The following GRID2 variants were observed in gnomAD, a reference collection of about 807,000 sequenced individuals.
GRID2 encodes glutamate ionotropic receptor delta type subunit 2.
GRID2 carries 33 observed loss-of-function variants against 114.8 expected under a neutral mutation model. That is an observed-to-expected ratio of 0.29 (90% CI 0.22 to 0.38). GRID2 has a LOEUF of 0.38. GRID2 is among the 10% of genes least tolerant of loss of function. The pLI, the probability that GRID2 is intolerant of heterozygous loss-of-function variation, is 1.00. For missense variants in GRID2, 1,184 were observed against 1,257.7 expected (o/e 0.94, Z 0.89); for synonymous variants, 505 against 449.9 (o/e 1.12, Z -1.55).
rs537149856 is a variant in GRID2, at chr4:92,705,229, A to G, written c.244+114943A>G. 2.6e-5 allele frequency among the ~76,000 whole-genome samples: 4 copies of G among 152,280 alleles called. No individual in the cohort carries two copies. The South Asian group carries it at 8.3e-4, about 32-fold the overall frequency. ...TAAACCAAAAGAAAAAAATCCATCA[A>G]ATAATCTTGAAAAGAAGCAGCTAAT... On this transcript the variant is annotated intron_variant, in intron 2 of 15. Transcript: ENST00000282020.
intron 5 of GRID2, among the ~76,000 whole-genome samples, chr4:93,209,609 A>G (rs1278320659): frequency 5.3e-5 from 8 of 152,118 alleles, no homozygotes; most frequent in Non-Finnish European, 1.0e-4. Context: ...TTGGGTATAT[A>G]CCCAGTAATG....
chr4:93,405,850 A>G (rs1489511553), intron 9 of GRID2, among the ~76,000 whole-genome samples: 1 of 152,168 alleles, frequency 6.6e-6, no homozygotes, highest in African/African-American at 2.4e-5. Context: ...TCAGAAATGA[A>G]CATGAATATA....
At chr4:93,093,632 C>T (rs185341188) in intron 3 of GRID2, among the ~76,000 whole-genome samples, 1 of 152,010 alleles carries the variant, frequency 6.6e-6, no homozygotes, top group East Asian at 1.9e-4. Context: ...GTGCCTTTCC[C>T]TCTCCCACTG....
At chr4:92,711,135 T>G (rs1490142811) in intron 2 of GRID2, among the ~76,000 whole-genome samples, 1 of 152,170 alleles carries the variant, frequency 6.6e-6, no homozygotes, top group African/African-American at 2.4e-5. Flanking sequence ...TAAAAAATGC[T>G]ATTTGGGGTT....
intron 1 of GRID2, among the ~76,000 whole-genome samples, chr4:92,305,076 C>T (rs1451162014): frequency 2.0e-5 from 3 of 151,896 alleles, no homozygotes; most frequent in African/African-American, 4.8e-5. Context: ...TGACTCTTAT[C>T]TTCCATATTT....
intron 1 of GRID2, among the ~76,000 whole-genome samples, chr4:92,397,342 A>G (rs936066458): frequency 2.0e-3 from 292 of 142,772 alleles, no homozygotes; most frequent in African/African-American, 7.1e-3. Context: ...GTGTGTTTGT[A>G]TGTGTGTGTG....
intron 1 of GRID2, among the ~76,000 whole-genome samples, chr4:92,439,232 C>G (rs371134504): frequency 6.6e-6 from 1 of 152,058 alleles, no homozygotes; most frequent in African/African-American, 2.4e-5. Context: ...AATGTCATCA[C>G]TTAAGGCAAG....
chr4:93,162,846 A>G (rs945229561), intron 4 of GRID2, among the ~76,000 whole-genome samples: 1 of 151,970 alleles, frequency 6.6e-6, no homozygotes, highest in Non-Finnish European at 1.5e-5. Context: ...CCAAGAGGCA[A>G]TATGAGACAG....
intron 14 of GRID2, among the ~76,000 whole-genome samples, chr4:93,733,024 C>T (rs999058205): frequency 6.6e-6 from 1 of 152,018 alleles, no homozygotes; most frequent in Admixed American, 6.5e-5. Flanking sequence ...GCAGCATTAA[C>T]AACATATTTG....
chr4:92,477,105 A>G (rs1722358950), intron 1 of GRID2, among the ~76,000 whole-genome samples: 1 of 135,704 alleles, frequency 7.4e-6, no homozygotes, highest in South Asian at 2.4e-4. Context: ...GTGTTTGCTT[A>G]GTATTGTTAG....
In GRID2 at chr4:92,986,450, T is replaced by C. The variant is rs146754605; in HGVS notation, c.245-98545T>C. Reference sequence around the variant, plus strand: ...ATAGGGTTTAACCACAGAAATTCTTTCTATTTAAATGTTGGTCATGGTAGG... The same window carrying C: ...ATAGGGTTTAACCACAGAAATTCTTCCTATTTAAATGTTGGTCATGGTAGG... On this transcript the variant is annotated intron_variant, in intron 2 of 15. Coordinates refer to ENST00000282020, the MANE Select transcript of GRID2 (RefSeq NM_001510.4). Among the ~76,000 whole-genome samples the C allele has an allele frequency of 4.0e-4, 61 of 152,282 alleles. 1 individual carries two copies. The East Asian group carries it at 0.011, about 27-fold the overall frequency.
intron 14 of GRID2, among the ~76,000 whole-genome samples, chr4:93,768,417 AAC>A (rs1227268031): frequency 1.3e-5 from 2 of 152,164 alleles, no homozygotes; most frequent in African/African-American, 2.4e-5. Context: ...CTCTATGAAA[AAC>A]ACACTTTAAA....
At chr4:93,574,100 G>A (rs916480062) in intron 13 of GRID2, among the ~76,000 whole-genome samples, 4 of 152,104 alleles carry the variant, frequency 2.6e-5, no homozygotes, top group Non-Finnish European at 5.9e-5. Context: ...CATATGTTCA[G>A]AATAAAGGTT....
At chr4:93,148,162 C>T (rs1014479792) in intron 4 of GRID2, among the ~76,000 whole-genome samples, 2 of 152,124 alleles carry the variant, frequency 1.3e-5, no homozygotes, top group South Asian at 4.1e-4. Flanking sequence ...TTGTTTAATG[C>T]CTAATGCTTA....
intron 1 of GRID2, among the ~76,000 whole-genome samples, chr4:93,784,675 C>CA (rs1554001972): frequency 1.3e-5 from 2 of 150,148 alleles, no homozygotes; most frequent in Admixed American, 6.7e-5. Flanking sequence ...CACACACACA[C>CA]CACGGTATCG....
At chr4:92,440,965 G>A (rs1295469595) in intron 1 of GRID2, among the ~76,000 whole-genome samples, 3 of 152,012 alleles carry the variant, frequency 2.0e-5, no homozygotes. Context: ...ATAGATTTTG[G>A]AAGTTATGAG....
chr4:92,374,460 A>G (rs1321840773), intron 1 of GRID2, among the ~76,000 whole-genome samples: 1 of 152,008 alleles, frequency 6.6e-6, no homozygotes, highest in Non-Finnish European at 1.5e-5. Flanking sequence ...TTGAAGTCTC[A>G]TGTCTCCCTA....
chr4:92,722,122 G>C (rs1363672207), intron 2 of GRID2, among the ~76,000 whole-genome samples: 2 of 152,168 alleles, frequency 1.3e-5, no homozygotes, highest in Non-Finnish European at 2.9e-5. Flanking sequence ...GGCTAAATCA[G>C]ATGCAGTGTA....
intron 1 of GRID2, among the ~76,000 whole-genome samples, chr4:92,512,218 C>T (rs1219857273): frequency 6.6e-6 from 1 of 151,770 alleles, no homozygotes; most frequent in Non-Finnish European, 1.5e-5. Context: ...GCTTCTAAGG[C>T]TGAATAATAT....
Sources: allele counts gnomAD v4.1 joint callset (sites outside exome capture counted in the v4.1 genomes callset), GRCh38; gene constraint gnomAD v4.1.1; transcripts MANE v1.5; gene names NCBI Gene and HGNC (gene_info 2026-07-23, HGNC 2026-07-21).